The following IGF1R variants were observed in gnomAD, a reference collection of about 807,000 sequenced individuals.
IGF1R encodes the protein insulin-like growth factor 1 receptor.
In IGF1R, 44 loss-of-function variants were observed where a neutral mutation model predicts 144.6. The observed-to-expected ratio is 0.30, with a 90% confidence interval of 0.24 to 0.39. The LOEUF is 0.39. IGF1R is among the 10% of genes least tolerant of loss of function. IGF1R has a pLI of 1.00. For missense variants in IGF1R, 1,355 were observed against 1,833.7 expected (o/e 0.74, Z 4.77); for synonymous variants, 795 against 722.8 (o/e 1.10, Z -1.60).
rs1252528657 is a variant in IGF1R, at chr15:98,827,749, A to C, written c.641-63576A>C. On this transcript the variant is annotated intron_variant, in intron 2 of 20. Transcript: ENST00000650285. ...ATGCGCACGCCACCACACCCGGCTA[A>C]TTTTTGTATTTTTAGTAGAGATGGG... 1.3e-5 allele frequency among the ~76,000 whole-genome samples: 2 copies of C among 152,030 alleles called. 1 individual carries two copies. Among genetic ancestry groups the C allele is most frequent in the South Asian group, 4.1e-4 (2 of 4,822 alleles).
intron 8 of IGF1R, 122 bp from the exon 9 acceptor site, chr15:98,915,835 TTTCATTG>T: frequency 1.2e-6 from 1 of 851,428 alleles, no homozygotes; most frequent in East Asian, 2.4e-5. Flanking sequence ...TCACTTTGTA[TTTCATTG>T]TTCATTGTTA....
intron 2 of IGF1R, among the ~76,000 whole-genome samples, chr15:98,710,391 T>C (rs1326024856): frequency 6.6e-6 from 1 of 152,180 alleles, no homozygotes; most frequent in Admixed American, 6.5e-5. Context: ...CCTCTTGGTT[T>C]GCGTAGATTC....
intron 2 of IGF1R, among the ~76,000 whole-genome samples, chr15:98,872,381 G>A (rs934766488): frequency 2.0e-5 from 3 of 152,062 alleles, no homozygotes; most frequent in Admixed American, 6.5e-5. Context: ...TTCCCAGCAC[G>A]TTATAATCCA....
chr15:98,695,808 A>AGCCT (rs2053582489), intron 1 of IGF1R, among the ~76,000 whole-genome samples: 1 of 152,094 alleles, frequency 6.6e-6, no homozygotes, highest in Non-Finnish European at 1.5e-5. Flanking sequence ...GGTCATAAAG[A>AGCCT]GCCTGACCAG....
intron 2 of IGF1R, among the ~76,000 whole-genome samples, chr15:98,751,008 C>G (rs1003866274): frequency 6.6e-6 from 1 of 151,894 alleles, no homozygotes; most frequent in African/African-American, 2.4e-5. Flanking sequence ...CCAGGCTCAT[C>G]TCAAACTCCT....
intron 2 of IGF1R, among the ~76,000 whole-genome samples, chr15:98,742,443 G>A (rs924404570): frequency 1.3e-5 from 2 of 152,158 alleles, no homozygotes; most frequent in Admixed American, 1.3e-4. Context: ...AGGTGGACGA[G>A]GGCTGGGGCT....
chr15:98,952,266 G>A (rs1196868700), intron 20 of IGF1R, among the ~76,000 whole-genome samples: 1 of 149,452 alleles, frequency 6.7e-6, no homozygotes, highest in Non-Finnish European at 1.5e-5. Context: ...AGGACCACTG[G>A]GGATCCGGGA....
intron 2 of IGF1R, among the ~76,000 whole-genome samples, chr15:98,852,845 C>T (rs2011596274): frequency 6.6e-6 from 1 of 152,222 alleles, no homozygotes. Context: ...GTCCTCCCTT[C>T]CCCCGGCATC....
At chr15:98,776,578 T>C (rs870306) in intron 2 of IGF1R, among the ~76,000 whole-genome samples, 1 of 152,138 alleles carries the variant, frequency 6.6e-6, no homozygotes, top group East Asian at 1.9e-4. Flanking sequence ...TAAGAGCCTC[T>C]TCCCTCCTTC....
intron 7 of IGF1R, 31 bp downstream of exon 7, chr15:98,911,472 G>C (rs200380380): frequency 2.2e-4 from 348 of 1,613,808 alleles, no homozygotes; most frequent in Non-Finnish European, 2.8e-4. Context: ...ATGCCATTCT[G>C]TTGACAGGGC....
chr15:98,727,258 A>G (rs1310322175), intron 2 of IGF1R, among the ~76,000 whole-genome samples: 1 of 152,266 alleles, frequency 6.6e-6, no homozygotes, highest in Non-Finnish European at 1.5e-5. Flanking sequence ...TAAAAATAAC[A>G]GTCGTACAGA....
chr15:98,940,683 G>A (rs745724953), intron 18 of IGF1R, among the ~76,000 whole-genome samples: 4 of 152,236 alleles, frequency 2.6e-5, no homozygotes, highest in Non-Finnish European at 5.9e-5. Flanking sequence ...GAGATTACAG[G>A]CGTGAGCCAC....
chr15:98,957,410 G>T lies in IGF1R; in HGVS notation c.4072G>T (p.Ala1358Ser), dbSNP rs771590506. 3 of 1,613,254 alleles carry T rather than the reference G, an allele frequency of 1.9e-6. No homozygotes were observed. In the South Asian group the frequency reaches 3.3e-5, roughly 18 times the overall value. ...HMNGGRKNERALPLPQSSTC is the reference protein window; with the variant it reads ...HMNGGRKNERSLPLPQSSTC ...GAACGGGGGCCGCAAGAACGAGCGGGCCTTGCCGCTGCCCCAGTCTTCGAC... is the reference window on the plus strand; with the variant it reads ...GAACGGGGGCCGCAAGAACGAGCGGTCCTTGCCGCTGCCCCAGTCTTCGAC... The change falls in exon 21 of 21, where the codon GCC (alanine) becomes TCC (serine). Residue 1358 changes from alanine to serine, a missense_variant. Coordinates refer to ENST00000650285, the MANE Select transcript of IGF1R (RefSeq NM_000875.5).
chr15:98,723,292 G>A (rs919745845), intron 2 of IGF1R, among the ~76,000 whole-genome samples: 9 of 152,084 alleles, frequency 5.9e-5, no homozygotes, highest in African/African-American at 1.4e-4. Flanking sequence ...AATTCCAGAC[G>A]TTCTTCTTCT....
rs1375650422 is a variant in IGF1R at position 98,963,117 on chromosome 15, GAAT to G, written c.*5679_*5681del. ...GTTTCATTGCATTTTTGTAAGAACAGAATAATTTTATAAAATGTTTGTAGTTTA... is the reference window on the plus strand; with the variant it reads ...GTTTCATTGCATTTTTGTAAGAACAGAATTTTATAAAATGTTTGTAGTTTA... On this transcript the variant is annotated 3_prime_UTR_variant, in exon 21 of 21. Coordinates refer to ENST00000650285, the MANE Select transcript of IGF1R (RefSeq NM_000875.5). 7 of 232,410 alleles carry G rather than the reference GAAT, an allele frequency of 3.0e-5. No individual in the cohort carries two copies. The highest frequency in any genetic ancestry group is 6.1e-5 in the East Asian group (1 of 16,482). 14.4% of individuals were successfully genotyped at this position (232,410 alleles called of 1,614,324 possible).
At chr15:98,750,148 T>C (rs2054973209) in intron 2 of IGF1R, among the ~76,000 whole-genome samples, 1 of 152,222 alleles carries the variant, frequency 6.6e-6, no homozygotes, top group Non-Finnish European at 1.5e-5. Context: ...TCCCTCAGTA[T>C]ATAGAGCATC....
intron 2 of IGF1R, among the ~76,000 whole-genome samples, chr15:98,797,374 G>C (rs781228773): frequency 6.6e-6 from 1 of 152,240 alleles, no homozygotes; most frequent in South Asian, 2.1e-4. Flanking sequence ...CGGGTGTTTG[G>C]ACAGTGAGCA....
chr15:98,766,606 T>C (rs2055442571), intron 2 of IGF1R, among the ~76,000 whole-genome samples: 1 of 152,210 alleles, frequency 6.6e-6, no homozygotes, highest in African/African-American at 2.4e-5. Context: ...ATTGATTAAC[T>C]CTCTGGGGGT....
chr15:98,703,736 A>G (rs1035758659), intron 1 of IGF1R, among the ~76,000 whole-genome samples: 1 of 152,256 alleles, frequency 6.6e-6, no homozygotes, highest in East Asian at 1.9e-4. Context: ...AAGGGGGGCC[A>G]GATGGCAAAG....
Sources: allele counts gnomAD v4.1 joint callset (sites outside exome capture counted in the v4.1 genomes callset), GRCh38; gene constraint gnomAD v4.1.1; transcripts MANE v1.5; gene names NCBI Gene and HGNC (gene_info 2026-07-23, HGNC 2026-07-21).